VTCN1: variants seen among roughly 807,000 people sequenced by gnomAD.
The protein encoded by VTCN1 is V-set domain-containing T-cell activation inhibitor 1.
VTCN1 carries 26 observed loss-of-function variants against 26.5 expected under a neutral mutation model. That is an observed-to-expected ratio of 0.98 (90% CI 0.72 to 1.36). The LOEUF is 1.36. Ranked by LOEUF, VTCN1 falls within the 40% of genes most tolerant of loss-of-function variation. The pLI is 0.00. For synonymous variants in VTCN1, 116 were observed against 130.7 expected (o/e 0.89, Z 0.77); for missense variants, 298 against 337.7 (o/e 0.88, Z 0.92).
intron 1 of VTCN1, among the ~76,000 whole-genome samples, chr1:117,180,741 A>G (rs1044183642): frequency 6.6e-6 from 1 of 152,028 alleles, no homozygotes; most frequent in Non-Finnish European, 1.5e-5. Flanking sequence ...GCTGCTGTCC[A>G]TTCACCAACT....
At chr1:117,204,394 C>T (rs552442425) in intron 1 of VTCN1, among the ~76,000 whole-genome samples, 8 of 152,230 alleles carry the variant, frequency 5.3e-5, no homozygotes, top group African/African-American at 1.7e-4. Flanking sequence ...GGAATACATC[C>T]ACAGATCAGA....
chr1:117,170,326 T>C (rs1409319822), intron 1 of VTCN1, 155 bp from the exon 2 acceptor site: 1 of 768,640 alleles, frequency 1.3e-6, no homozygotes, highest in Non-Finnish European at 2.3e-6. Flanking sequence ...AACGGGTACC[T>C]TAGAAAGGAA....
chr1:117,210,691 C>T (rs551522831), intron 1 of VTCN1, 133 bp downstream of exon 1: 15 of 949,408 alleles, frequency 1.6e-5, no homozygotes, highest in African/African-American at 3.3e-5. Flanking sequence ...GCCAGGCTCC[C>T]GCTGGCCCAA....
chr1:117,166,965 C>T (rs999288959), intron 2 of VTCN1, among the ~76,000 whole-genome samples: 8 of 151,568 alleles, frequency 5.3e-5, no homozygotes, highest in Non-Finnish European at 7.4e-5. Context: ...TGGTGGTGCA[C>T]GTCTGTAATC....
intron 2 of VTCN1, 93 bp from the exon 3 acceptor site, chr1:117,157,014 G>A (rs1652117130): frequency 6.2e-7 from 1 of 1,604,002 alleles, no homozygotes; most frequent in Non-Finnish European, 8.5e-7. Context: ...AGAGACTTCT[G>A]TGATAAATTA....
intron 3 of VTCN1, among the ~76,000 whole-genome samples, chr1:117,153,592 G>A (rs1406888056): frequency 6.6e-6 from 1 of 151,622 alleles, no homozygotes; most frequent in Non-Finnish European, 1.5e-5. Context: ...CAACCCTTTG[G>A]CCAATCACAA....
chr1:117,157,104 T>A (rs1652126187), intron 2 of VTCN1, 183 bp from the exon 3 acceptor site: 2 of 685,718 alleles, frequency 2.9e-6, no homozygotes, highest in Non-Finnish European at 4.4e-6. Flanking sequence ...TATATATATA[T>A]ATATATATAT....
At chr1:117,154,810 AAAG>A (rs1295630991) in intron 3 of VTCN1, among the ~76,000 whole-genome samples, 2 of 151,594 alleles carry the variant, frequency 1.3e-5, no homozygotes, top group African/African-American at 4.8e-5. Flanking sequence ...AAAAGAAAGA[AAAG>A]AAAAAAAAGA....
intron 1 of VTCN1, among the ~76,000 whole-genome samples, chr1:117,200,068 T>C (rs1383514474): frequency 6.6e-6 from 1 of 152,166 alleles, no homozygotes. Context: ...AGTTGGGCTT[T>C]AAAAGGGCAA....
intron 1 of VTCN1, among the ~76,000 whole-genome samples, chr1:117,196,333 T>G (rs1039216769): frequency 6.6e-6 from 1 of 150,842 alleles, no homozygotes; most frequent in Non-Finnish European, 1.5e-5. Flanking sequence ...ATAAGACCAA[T>G]AAGTAGAAAG....
At chr1:117,152,415 A>G (rs180862057) in intron 4 of VTCN1, among the ~76,000 whole-genome samples, 8 of 152,178 alleles carry the variant, frequency 5.3e-5, no homozygotes, top group African/African-American at 1.9e-4. Flanking sequence ...GGATGGTCTT[A>G]AAAGTCAGAA....
rs143177204 is a variant in VTCN1 at position 117,150,901 on chromosome 1, A to G, written c.724+2190T>C. Among the ~76,000 whole-genome samples the G allele has an allele frequency of 3.0e-4, 46 of 152,366 alleles. 1 individual carries two copies. In the East Asian group the frequency reaches 8.3e-3, roughly 27 times the overall value. ...TTTTTGTGACTGGCTTATTTCACATAGATAATGTCCTGAAAGTTCATTCAT... is the reference window on the plus strand; with the variant it reads ...TTTTTGTGACTGGCTTATTTCACATGGATAATGTCCTGAAAGTTCATTCAT... On this transcript the variant is annotated intron_variant, in intron 4 of 5. Coordinates refer to ENST00000369458, the MANE Select transcript of VTCN1 (RefSeq NM_024626.4).
At chr1:117,210,397 G>T (rs935333968) in intron 1 of VTCN1, among the ~76,000 whole-genome samples, 4 of 152,142 alleles carry the variant, frequency 2.6e-5, no homozygotes, top group Non-Finnish European at 5.9e-5. Context: ...CCCCCTGGGG[G>T]CTGCATAAAG....
intron 1 of VTCN1, among the ~76,000 whole-genome samples, chr1:117,203,131 G>C (rs1648870614): frequency 6.6e-6 from 1 of 152,014 alleles, no homozygotes; most frequent in Non-Finnish European, 1.5e-5. Context: ...AAAGAAAAAG[G>C]GCACCCAGTG....
chr1:117,150,160 C>T (rs566514084), intron 4 of VTCN1, among the ~76,000 whole-genome samples: 2 of 152,282 alleles, frequency 1.3e-5, no homozygotes, highest in African/African-American at 4.8e-5. Flanking sequence ...GGCCTTTCAT[C>T]AGATACTGCC....
At chr1:117,154,112 G>A (rs1651941586) in intron 3 of VTCN1, among the ~76,000 whole-genome samples, 1 of 152,182 alleles carries the variant, frequency 6.6e-6, no homozygotes, top group Non-Finnish European at 1.5e-5. Flanking sequence ...CTGAGCTGGT[G>A]CTGAGTAAGT....
At position 117,206,732 on chromosome 1, in the gene VTCN1, A is replaced by G. The variant is rs910892526; in HGVS notation, c.32+4092T>C. On this transcript the variant is annotated intron_variant, in intron 1 of 5. Transcript: ENST00000369458. ...ATGGCAACTAGAAAGATCCTGTAAG[A>G]CTTCAAAGTGGAGGTGGCATTTGAG... Among the ~76,000 whole-genome samples, 12 of 152,180 alleles carry G rather than the reference A, an allele frequency of 7.9e-5. 1 individual carries two copies. Among genetic ancestry groups the G allele is most frequent in the Admixed American group, 7.2e-4 (11 of 15,274 alleles).
chr1:117,154,291 T>C (rs1651953793), intron 3 of VTCN1, among the ~76,000 whole-genome samples: 1 of 152,200 alleles, frequency 6.6e-6, no homozygotes, highest in African/African-American at 2.4e-5. Flanking sequence ...GTGCCAGTAC[T>C]GTATTCCAGA....
intron 2 of VTCN1, among the ~76,000 whole-genome samples, chr1:117,166,989 A>T (rs1227070722): frequency 1.3e-5 from 2 of 151,870 alleles, no homozygotes; most frequent in Non-Finnish European, 2.9e-5. Context: ...GCTACTCAGG[A>T]GACTGAGGCA....
Sources: gnomAD v4.1 joint callset for allele counts (sites outside exome capture counted in the v4.1 genomes callset) on GRCh38, gnomAD v4.1.1 for gene constraint, MANE v1.5 for transcripts, NCBI Gene and HGNC (gene_info 2026-07-23, HGNC 2026-07-21) for gene names.